Variants in NPAS3 observed in about 807,000 individuals in gnomAD.
NPAS3 encodes neuronal PAS domain-containing protein 3.
Under a neutral mutation model 73.1 loss-of-function variants are expected in NPAS3, and 14 were observed. The ratio of observed to expected loss-of-function variants is 0.19; its 90% CI spans 0.13 to 0.30. NPAS3 has a LOEUF of 0.30. NPAS3 is among the 10% of genes least tolerant of loss of function. The pLI is 1.00. For missense variants in NPAS3, 1,096 were observed against 1,250.0 expected, an observed-to-expected ratio of 0.88 and a Z score of 1.86; for synonymous variants, 620 against 541.5, an observed-to-expected ratio of 1.14 and a Z score of -2.01.
chr14:33,127,102 A>T (rs186844155), intron 2 of NPAS3, among the ~76,000 whole-genome samples: 6 of 150,820 alleles, frequency 4.0e-5, no homozygotes, highest in African/African-American at 1.5e-4. Context: ...AAAAAAAAAA[A>T]CTCTAAATAA....
intron 6 of NPAS3, among the ~76,000 whole-genome samples, chr14:33,718,330 C>G (rs1425890849): frequency 2.0e-5 from 3 of 152,058 alleles, no homozygotes; most frequent in Non-Finnish European, 2.9e-5. Flanking sequence ...CTACATCTTT[C>G]TTTTTCATCA....
intron 1 of NPAS3, among the ~76,000 whole-genome samples, chr14:32,953,120 A>G (rs1177296638): frequency 2.7e-5 from 4 of 149,536 alleles, no homozygotes; most frequent in Non-Finnish European, 4.4e-5. Context: ...ACCCCAAACA[A>G]CAACCAAAAA....
chr14:33,346,213 A>G (rs2044720493), intron 3 of NPAS3, among the ~76,000 whole-genome samples: 1 of 138,968 alleles, frequency 7.2e-6, no homozygotes, highest in African/African-American at 2.8e-5. Flanking sequence ...CGACAGAGGG[A>G]GACTCCGTCT....
At chr14:33,338,434 G>A (rs2044325469) in intron 3 of NPAS3, among the ~76,000 whole-genome samples, 1 of 152,092 alleles carries the variant, frequency 6.6e-6, no homozygotes, top group African/African-American at 2.4e-5. Flanking sequence ...TTTTAGGTGT[G>A]TTTTGGTATA....
chr14:33,414,431 A>G (rs754166068), intron 4 of NPAS3, among the ~76,000 whole-genome samples: 17 of 152,182 alleles, frequency 1.1e-4, no homozygotes, highest in Non-Finnish European at 2.9e-5. Context: ...TTTCTCCATT[A>G]TATCATGAGC....
rs138258114 is a variant in NPAS3 at position 33,094,871 on chromosome 14, G to C, written c.140+38877G>C. Among the ~76,000 whole-genome samples, 82 of 152,178 alleles carry C rather than the reference G, an allele frequency of 5.4e-4. 1 individual carries two copies. The East Asian group carries it at 7.5e-3, about 14-fold the overall frequency. ...TTGAACACCTCCAAAACTGATTTTTGCTTTAAATCTTGGTGCTTCCATGTT... is the reference window on the plus strand; with the variant it reads ...TTGAACACCTCCAAAACTGATTTTTCCTTTAAATCTTGGTGCTTCCATGTT... On this transcript the variant is annotated intron_variant, in intron 2 of 11. Coordinates refer to ENST00000356141, the Ensembl canonical transcript of NPAS3.
In NPAS3 at chr14:33,376,579, C is replaced by T. The variant is rs184294623; in HGVS notation, c.468+9311C>T. Among the ~76,000 whole-genome samples, 379 of 152,294 alleles carry T rather than the reference C, an allele frequency of 2.5e-3. 3 individuals are homozygous for T. The highest frequency in any genetic ancestry group is 0.017 in the South Asian group (81 of 4,828). ...ACAAAGAAATCTTACCTGGCAAGGTCACAGTTAACCTCAGAGCCAGGGCCT... is the reference window on the plus strand; with the variant it reads ...ACAAAGAAATCTTACCTGGCAAGGTTACAGTTAACCTCAGAGCCAGGGCCT... On this transcript the variant is annotated intron_variant, in intron 4 of 11. Transcript: ENST00000356141.
intron 2 of NPAS3, among the ~76,000 whole-genome samples, chr14:33,110,690 A>T (rs1468169744): frequency 6.6e-6 from 1 of 152,134 alleles, no homozygotes; most frequent in African/African-American, 2.4e-5. Context: ...ACTATTCAGC[A>T]CAACATTTTT....
intron 1 of NPAS3, among the ~76,000 whole-genome samples, chr14:32,950,464 A>C (rs2036437637): frequency 6.6e-6 from 1 of 152,104 alleles, no homozygotes; most frequent in Non-Finnish European, 1.5e-5. Context: ...ATAGGGTTTA[A>C]TTTCATACAT....
At chr14:33,317,998 G>A (rs750499888) in intron 3 of NPAS3, among the ~76,000 whole-genome samples, 1 of 152,012 alleles carries the variant, frequency 6.6e-6, no homozygotes, top group Non-Finnish European at 1.5e-5. Flanking sequence ...TGGGAATGTA[G>A]CCAAAAGAAT....
At chr14:33,325,767 A>G (rs1191496971) in intron 3 of NPAS3, among the ~76,000 whole-genome samples, 1 of 145,244 alleles carries the variant, frequency 6.9e-6, no homozygotes, top group Non-Finnish European at 1.5e-5. Context: ...AACCATCCCT[A>G]TTTCTGCCCC....
intron 4 of NPAS3, among the ~76,000 whole-genome samples, chr14:33,388,099 A>G (rs1305537136): frequency 6.6e-6 from 1 of 152,074 alleles, no homozygotes; most frequent in Non-Finnish European, 1.5e-5. Context: ...GGATAGACAC[A>G]CCCCAGGAGA....
chr14:33,169,342 T>G (rs1566633658), intron 2 of NPAS3, among the ~76,000 whole-genome samples: 1 of 152,132 alleles, frequency 6.6e-6, no homozygotes, highest in Non-Finnish European at 1.5e-5. Flanking sequence ...CCAAGGCAGA[T>G]GGATCACTTG....
chr14:33,737,521 A>G (rs1279170636), intron 7 of NPAS3, among the ~76,000 whole-genome samples: 1 of 152,092 alleles, frequency 6.6e-6, no homozygotes, highest in Non-Finnish European at 1.5e-5. Flanking sequence ...AGATACCATG[A>G]GAGTCTCCAG....
intron 7 of NPAS3, among the ~76,000 whole-genome samples, chr14:33,760,707 T>TA (rs58546400): frequency 0.29 from 42,503 of 145,834 alleles, 7,765 homozygotes; most frequent in African/African-American, 0.53. Flanking sequence ...CCAAACAAGT[T>TA]AAAAAAAAAA....
chr14:32,963,007 A>T (rs1041210618), intron 1 of NPAS3, among the ~76,000 whole-genome samples: 2 of 151,062 alleles, frequency 1.3e-5, no homozygotes, highest in Admixed American at 6.6e-5. Flanking sequence ...TTTCCTTCTA[A>T]TTCAAGATCC....
At chr14:33,118,424 A>C (rs1181233805) in intron 2 of NPAS3, among the ~76,000 whole-genome samples, 3 of 152,126 alleles carry the variant, frequency 2.0e-5, no homozygotes, top group Non-Finnish European at 4.4e-5. Flanking sequence ...CATGTTTTTC[A>C]CAATAAATTT....
chr14:33,412,473 T>C (rs1382887092), intron 4 of NPAS3, among the ~76,000 whole-genome samples: 1 of 152,182 alleles, frequency 6.6e-6, no homozygotes, highest in Non-Finnish European at 1.5e-5. Flanking sequence ...CTTTGCTCTG[T>C]AGCTTTTCCC....
intron 3 of NPAS3, among the ~76,000 whole-genome samples, chr14:33,270,936 AC>A (rs2041047056): frequency 6.6e-6 from 1 of 152,184 alleles, no homozygotes; most frequent in Non-Finnish European, 1.5e-5. Flanking sequence ...CCTCCCCTTC[AC>A]CCTCTGAATG....
Sources: allele counts gnomAD v4.1 joint callset (sites outside exome capture counted in the v4.1 genomes callset), GRCh38; gene constraint gnomAD v4.1.1; transcripts MANE v1.5; gene names NCBI Gene and HGNC (gene_info 2026-07-23, HGNC 2026-07-21).